Variants in TXNRD2 observed in about 807,000 individuals in gnomAD.
TXNRD2 encodes the protein thioredoxin reductase 2, mitochondrial.
TXNRD2 carries 67 observed loss-of-function variants against 70.8 expected under a neutral mutation model. The ratio of observed to expected loss-of-function variants is 0.95; its 90% CI spans 0.78 to 1.16. The LOEUF is 1.16. Among genes scored for constraint, TXNRD2 ranks in the 50% most tolerant of loss-of-function variants. TXNRD2 has a pLI of 0.00. For synonymous variants in TXNRD2, 301 were observed against 295.8 expected (o/e 1.02, Z -0.18); for missense variants, 644 against 719.9 (o/e 0.89, Z 1.21).
chr22:19,902,128 T>C (rs933545417), intron 8 of TXNRD2, among the ~76,000 whole-genome samples: 5 of 152,070 alleles, frequency 3.3e-5, no homozygotes, highest in African/African-American at 1.2e-4. Context: ...GCCTAGGAGT[T>C]TGAGGCTGCA....
intron 11 of TXNRD2, among the ~76,000 whole-genome samples, chr22:19,885,454 C>A (rs904272004): frequency 6.8e-6 from 1 of 146,062 alleles, no homozygotes; most frequent in Non-Finnish European, 1.6e-5. Flanking sequence ...AGCCAGCTTG[C>A]GGGAGGCCGG....
rs1032624911 is a variant in TXNRD2, at chr22:19,941,732, G to T, written c.72C>A (p.Gly24=). ...RFRWRTQAVA[G]GVRGAARGAA... Reference sequence around the variant, plus strand: ...CGCCCCGCGCCGCGCCCCGCACCCCGCCCGCCACGGCCTGCGTCCGCCACC... The same window carrying T: ...CGCCCCGCGCCGCGCCCCGCACCCCTCCCGCCACGGCCTGCGTCCGCCACC... The change falls in exon 1 of 18, where the codon GGC becomes GGA. Residue 24 remains glycine, a synonymous_variant. Transcript: ENST00000400521. 43 of 1,489,066 alleles carry T rather than the reference G, an allele frequency of 2.9e-5. No individual in the cohort carries two copies. Among genetic ancestry groups the T allele is most frequent in the Non-Finnish European group, 3.8e-5 (43 of 1,127,058 alleles). The allele number at this position is 1,489,066 out of a possible 1,614,324, so 92.2% of individuals were successfully genotyped here.
chr22:19,894,580 G>A (rs1939408272), intron 11 of TXNRD2: 1 of 160,244 alleles, frequency 6.2e-6, no homozygotes. Context: ...AGTGAGCTAT[G>A]ATCACACCAC....
intron 8 of TXNRD2, among the ~76,000 whole-genome samples, chr22:19,905,970 A>C (rs73877396): frequency 0.034 from 5,232 of 152,128 alleles, 132 homozygotes; most frequent in South Asian, 0.086. Flanking sequence ...ACATGCAATA[A>C]ATCAAAAAGC....
chr22:19,908,727 G>A lies in TXNRD2; in HGVS notation c.662+2650C>T, dbSNP rs546626847. On this transcript the variant is annotated intron_variant, in intron 8 of 17. Coordinates refer to ENST00000400521, the MANE Select transcript of TXNRD2 (RefSeq NM_006440.5). ...ACAGCCAAGAAGCAGAGGCAACTTG[G>A]GTGTCCACTGACAGATGAATGGATA... Among the ~76,000 whole-genome samples, 4 of 152,276 alleles carry A rather than the reference G, an allele frequency of 2.6e-5. No homozygotes were observed. In the South Asian group the frequency reaches 8.3e-4, roughly 32 times the overall value.
chr22:19,909,871 C>CACACACACCCT (rs1569093860), intron 8 of TXNRD2, among the ~76,000 whole-genome samples: 14 of 55,690 alleles, frequency 2.5e-4, no homozygotes, highest in South Asian at 7.4e-4. Flanking sequence ...ACACACACAC[C>CACACACACCCT]ACTCACACAC....
At position 19,933,769 on chromosome 22, in the gene TXNRD2, G is replaced by A. The variant is rs5748479; in HGVS notation, c.104-2671C>T. 9.3e-4 allele frequency among the ~76,000 whole-genome samples: 141 copies of A among 152,308 alleles called. No individual in the cohort carries two copies. The East Asian group carries it at 0.022, about 24-fold the overall frequency. On this transcript the variant is annotated intron_variant, in intron 1 of 17. Transcript: ENST00000400521. ...ATGCTGTTCTGTGGGAGGAAGGGCT[G>A]GGTGGCAGGCGTTACCTGGGGACAC...
In TXNRD2 at chr22:19,923,118, T is replaced by C. The variant is rs566959216; in HGVS notation, c.173-3519A>G. ...AATGTATTGCCTTCCCAAGTGGCCA[T>C]TTAATTTTGGGAACTCTCCCAATAT... is the stretch of plus-strand genomic sequence containing the variant. On this transcript the variant is annotated intron_variant, in intron 2 of 17. Transcript: ENST00000400521. Among the ~76,000 whole-genome samples the C allele has an allele frequency of 2.0e-5, 3 of 152,368 alleles. No homozygotes were observed. The East Asian group carries it at 5.8e-4, about 29-fold the overall frequency.
chr22:19,921,199 G>A (rs1940901297), intron 2 of TXNRD2, among the ~76,000 whole-genome samples: 1 of 151,338 alleles, frequency 6.6e-6, no homozygotes, highest in South Asian at 2.1e-4. Context: ...CAGATTGCTT[G>A]AGCCCAGGAG....
At chr22:19,898,762 CCT>C (rs1939637263) in intron 9 of TXNRD2, among the ~76,000 whole-genome samples, 1 of 152,176 alleles carries the variant, frequency 6.6e-6, no homozygotes. Context: ...TCTAATTGTC[CCT>C]TCTGAAGCAA....
intron 12 of TXNRD2, 125 bp downstream of exon 12, chr22:19,883,200 C>T: frequency 7.6e-7 from 1 of 1,314,414 alleles, no homozygotes; most frequent in Non-Finnish European, 1.0e-6. Context: ...GGGTTTGGCC[C>T]AGAGCCTCTG....
chr22:19,887,441 T>C (rs889029381), intron 11 of TXNRD2: 1 of 152,148 alleles, frequency 6.6e-6, no homozygotes, highest in African/African-American at 2.4e-5. Context: ...CCTGCTGAGA[T>C]GGTCTCCAGG....
At chr22:19,918,740 G>T (rs1363949105) in intron 4 of TXNRD2, 120 bp downstream of exon 4, 13 of 1,263,972 alleles carry the variant, frequency 1.0e-5, no homozygotes, top group Non-Finnish European at 1.4e-5. Context: ...GTCGCCCCTG[G>T]CTGAGAAACC....
chr22:19,897,462 C>T (rs985116951), intron 10 of TXNRD2, among the ~76,000 whole-genome samples: 6 of 152,198 alleles, frequency 3.9e-5, no homozygotes, highest in African/African-American at 1.4e-4. Context: ...AAAAGAAAAT[C>T]TCTATTGCTC....
At chr22:19,935,764 G>A (rs539824799) in intron 1 of TXNRD2, among the ~76,000 whole-genome samples, 30 of 152,188 alleles carry the variant, frequency 2.0e-4, no homozygotes, top group African/African-American at 7.0e-4. Flanking sequence ...TTAGGGGCAG[G>A]TTCCCCCAAT....
At chr22:19,907,728 G>A (rs867060492) in intron 8 of TXNRD2, among the ~76,000 whole-genome samples, 1 of 52,162 alleles carries the variant, frequency 1.9e-5, no homozygotes, top group Non-Finnish European at 3.8e-5. Flanking sequence ...GAGTGTGGGC[G>A]CACCATGGGT....
At chr22:19,902,614 C>T (rs1939828132) in intron 8 of TXNRD2, among the ~76,000 whole-genome samples, 1 of 152,214 alleles carries the variant, frequency 6.6e-6, no homozygotes, top group Non-Finnish European at 1.5e-5. Context: ...AACCCCGCCG[C>T]CCCACCCAAC....
rs1266248352 is a variant in TXNRD2, at chr22:19,933,395, C to T, written c.104-2297G>A. 5 of 1,264,688 alleles carry T rather than the reference C, an allele frequency of 4.0e-6. No individual in the cohort carries two copies. The African/African-American group carries it at 7.6e-5, about 19-fold the overall frequency. 78.3% of individuals were successfully genotyped at this position (1,264,688 alleles called of 1,614,324 possible). ...ATGGAGAAGCATCTCTCTCCTCCAG[C>T]TGCCTGGTAGCCGGAAGCTTTGCTC... On this transcript the variant is annotated intron_variant, in intron 1 of 17. Coordinates refer to ENST00000400521, the MANE Select transcript of TXNRD2 (RefSeq NM_006440.5).
intron 8 of TXNRD2, among the ~76,000 whole-genome samples, chr22:19,903,273 G>A (rs1439567324): frequency 6.6e-6 from 1 of 152,252 alleles, no homozygotes. Flanking sequence ...TTGTTTCCGG[G>A]AAGCAGTACC....
Sources: allele counts gnomAD v4.1 joint callset (sites outside exome capture counted in the v4.1 genomes callset), GRCh38; gene constraint gnomAD v4.1.1; transcripts MANE v1.5; gene names NCBI Gene and HGNC (gene_info 2026-07-23, HGNC 2026-07-21).